Variants in PPP1R16B observed in about 807,000 individuals in gnomAD.
PPP1R16B encodes protein phosphatase 1 regulatory subunit 16B.
Under a neutral mutation model 61.7 loss-of-function variants are expected in PPP1R16B, and 14 were observed. The ratio of observed to expected loss-of-function variants is 0.23; its 90% CI spans 0.15 to 0.35. PPP1R16B has a LOEUF of 0.35. PPP1R16B is among the 10% of genes least tolerant of loss of function. The pLI is 1.00. For synonymous variants in PPP1R16B, 266 were observed against 305.3 expected, an observed-to-expected ratio of 0.87 and a Z score of 1.34; for missense variants, 547 against 752.5, an observed-to-expected ratio of 0.73 and a Z score of 3.19.
chr20:38,842,714 G>T (rs1171688323), intron 2 of PPP1R16B, among the ~76,000 whole-genome samples: 7 of 151,632 alleles, frequency 4.6e-5, no homozygotes, highest in African/African-American at 1.7e-4. Context: ...CAGGCACAGT[G>T]CTGGACACCT....
intron 1 of PPP1R16B, among the ~76,000 whole-genome samples, chr20:38,833,351 A>G (rs1429153239): frequency 1.3e-5 from 2 of 152,212 alleles, no homozygotes; most frequent in Non-Finnish European, 2.9e-5. Flanking sequence ...GTGGTTATGA[A>G]CTGAGGTGGT....
rs2084865483 is a variant in PPP1R16B, at chr20:38,835,830, A to T, written c.-96A>T. 1 of 1,384,440 alleles carries T rather than the reference A, an allele frequency of 7.2e-7. No homozygotes were observed. The highest frequency in any genetic ancestry group is 1.5e-5 in the African/African-American group (1 of 68,890). The allele number at this position is 1,384,440 out of a possible 1,614,324, so 85.8% of individuals were successfully genotyped here. Reference sequence around the variant, plus strand: ...TGTCTCCCTCCCTGCCACAGGCCACACCATGAGGCCCCAGCCCCACCAGAG... The same window carrying T: ...TGTCTCCCTCCCTGCCACAGGCCACTCCATGAGGCCCCAGCCCCACCAGAG... On this transcript the variant is annotated 5_prime_UTR_variant, in exon 2 of 11. Transcript: ENST00000299824.
At chr20:38,882,867 T>A (rs2085212968) in intron 2 of PPP1R16B, among the ~76,000 whole-genome samples, 2 of 152,084 alleles carry the variant, frequency 1.3e-5, no homozygotes, top group African/African-American at 4.8e-5. Context: ...GCTCCGGGCA[T>A]AGGAAACAGT....
intron 2 of PPP1R16B, among the ~76,000 whole-genome samples, chr20:38,883,830 G>A (rs1360538200): frequency 1.3e-5 from 2 of 152,210 alleles, no homozygotes; most frequent in Non-Finnish European, 2.9e-5. Flanking sequence ...AGTAGCCAGG[G>A]CCTTGTCTTC....
chr20:38,816,287 G>C (rs2084734965), intron 1 of PPP1R16B, among the ~76,000 whole-genome samples: 1 of 152,190 alleles, frequency 6.6e-6, no homozygotes. Context: ...GGGCAGATCT[G>C]TACGTTGGTC....
intron 2 of PPP1R16B, among the ~76,000 whole-genome samples, chr20:38,876,224 T>G (rs1178660711): frequency 1.3e-5 from 2 of 152,098 alleles, no homozygotes; most frequent in African/African-American, 4.8e-5. Context: ...CTGCCCGCCT[T>G]GGCCTCCCAA....
Position 38,920,119 on chromosome 20 carries a change from T to C in PPP1R16B, c.*1453T>C, listed in dbSNP as rs1024942696. ...GGTCTTGCCCAGCCCTGCAGTTTCA[T>C]AGTCCCAGCCTTCCTGGTGCTGGGG... On this transcript the variant is annotated 3_prime_UTR_variant, in exon 11 of 11. Coordinates refer to ENST00000299824, the MANE Select transcript of PPP1R16B (RefSeq NM_015568.4). 3 of 152,542 alleles carry C rather than the reference T, an allele frequency of 2.0e-5. No homozygotes were observed. Among genetic ancestry groups the C allele is most frequent in the Non-Finnish European group, 4.4e-5 (3 of 68,088 alleles). The allele number at this position is 152,542 out of a possible 1,614,324, so 9.4% of individuals were successfully genotyped here.
chr20:38,885,973 G>A (rs1340854026), intron 2 of PPP1R16B, among the ~76,000 whole-genome samples: 9 of 152,170 alleles, frequency 5.9e-5, no homozygotes, highest in East Asian at 1.9e-4. Context: ...ACAGGGTTTC[G>A]CCATGTTGGC....
intron 2 of PPP1R16B, among the ~76,000 whole-genome samples, chr20:38,836,962 G>A (rs2084876723): frequency 6.6e-6 from 1 of 152,188 alleles, no homozygotes; most frequent in African/African-American, 2.4e-5. Context: ...CCTAGATATA[G>A]TGGTGAACAA....
chr20:38,879,452 C>A (rs950553766), intron 2 of PPP1R16B, among the ~76,000 whole-genome samples: 8 of 152,202 alleles, frequency 5.3e-5, no homozygotes, highest in African/African-American at 1.9e-4. Context: ...TCACCCCAAC[C>A]TCCATGTGTC....
At chr20:38,844,404 C>G (rs749826248) in intron 2 of PPP1R16B, among the ~76,000 whole-genome samples, 1 of 152,126 alleles carries the variant, frequency 6.6e-6, no homozygotes, top group African/African-American at 2.4e-5. Context: ...AAAAACACTG[C>G]CTGTTAAATA....
At chr20:38,888,055 C>G (rs574395659) in intron 2 of PPP1R16B, among the ~76,000 whole-genome samples, 2 of 152,358 alleles carry the variant, frequency 1.3e-5, no homozygotes, top group South Asian at 4.1e-4. Context: ...AAGGGATAGT[C>G]TTCTCTTCAC....
chr20:38,886,809 C>T (rs919090367), intron 2 of PPP1R16B, among the ~76,000 whole-genome samples: 1 of 152,176 alleles, frequency 6.6e-6, no homozygotes, highest in African/African-American at 2.4e-5. Flanking sequence ...GGGTCAAGGT[C>T]CTAGAGGAGT....
At chr20:38,819,485 G>T (rs1180597481) in intron 1 of PPP1R16B, among the ~76,000 whole-genome samples, 1 of 151,952 alleles carries the variant, frequency 6.6e-6, no homozygotes, top group Non-Finnish European at 1.5e-5. Flanking sequence ...TCTCAAAAAA[G>T]ATAAACTAAA....
chr20:38,871,031 C>T (rs1447620073), intron 2 of PPP1R16B, among the ~76,000 whole-genome samples: 1 of 152,156 alleles, frequency 6.6e-6, no homozygotes, highest in Non-Finnish European at 1.5e-5. Context: ...CCTGCATCTC[C>T]CTGACCCGTG....
chr20:38,854,299 G>A (rs1568662901), intron 2 of PPP1R16B, among the ~76,000 whole-genome samples: 2 of 152,170 alleles, frequency 1.3e-5, no homozygotes, highest in African/African-American at 2.4e-5. Context: ...GGGCAATGGC[G>A]CATATGCTGA....
chr20:38,876,943 G>T (rs746766322), intron 2 of PPP1R16B, among the ~76,000 whole-genome samples: 7 of 152,180 alleles, frequency 4.6e-5, no homozygotes, highest in Non-Finnish European at 1.0e-4. Context: ...CCAATGAAAA[G>T]TGTGTGGATG....
At chr20:38,894,963 G>A (rs2085323538) in intron 3 of PPP1R16B, among the ~76,000 whole-genome samples, 1 of 152,200 alleles carries the variant, frequency 6.6e-6, no homozygotes, top group Non-Finnish European at 1.5e-5. Flanking sequence ...AGGACCCCTA[G>A]AATGCTCACG....
intron 2 of PPP1R16B, among the ~76,000 whole-genome samples, chr20:38,865,375 C>T (rs912908122): frequency 1.3e-5 from 2 of 151,896 alleles, no homozygotes; most frequent in African/African-American, 4.8e-5. Flanking sequence ...CTGCGAGCTC[C>T]GCCTCCCAGG....
Sources: allele counts gnomAD v4.1 joint callset (sites outside exome capture counted in the v4.1 genomes callset), GRCh38; gene constraint gnomAD v4.1.1; transcripts MANE v1.5; gene names NCBI Gene and HGNC (gene_info 2026-07-23, HGNC 2026-07-21).